CFAP61: variants seen among roughly 807,000 people sequenced by gnomAD.
CFAP61 encodes the protein cilia and flagella associated protein 61.
In CFAP61, 107 loss-of-function variants were observed where a neutral mutation model predicts 135.6. The observed-to-expected ratio is 0.79, with a 90% CI of 0.67 to 0.93. The LOEUF (loss-of-function observed/expected upper bound fraction) is 0.93. Ranked by LOEUF, CFAP61 falls within the 40% of genes least tolerant of loss-of-function variation. The pLI is 0.00. For synonymous variants in CFAP61, 575 were observed against 578.5 expected (o/e 0.99, Z 0.09); for missense variants, 1,507 against 1,556.2 (o/e 0.97, Z 0.53).
rs2048887701 is a variant in CFAP61 at position 20,228,297 on chromosome 20, A to T, written c.1981A>T (p.Lys661Ter). The T allele has an allele frequency of 4.3e-6, 7 of 1,611,172 alleles. No individual in the cohort carries two copies. Among genetic ancestry groups the T allele is most frequent in the South Asian group, 1.1e-5 (1 of 90,872 alleles). The change falls in exon 18 of 27, where the codon AAA (lysine) becomes TAA (stop). Residue 661 changes from lysine to a stop codon, truncating the protein, a stop_gained. Transcript: ENST00000245957. LOFTEE classifies it high-confidence loss of function. ...HTNRKLTLEP[K>*]ITVNAKIIVV... ...AAACAGAAAACTAACATTGGAACCT[A>T]AAATTACTGTCAATGCCAAGATCAT...
intron 2 of CFAP61, among the ~76,000 whole-genome samples, chr20:20,066,000 A>G (rs1215740594): frequency 6.6e-6 from 1 of 150,428 alleles, no homozygotes; most frequent in African/African-American, 2.4e-5. Flanking sequence ...AAGAAAAAAA[A>G]CAACCCCATC....
At chr20:20,202,143 A>G (rs893675617) in intron 17 of CFAP61, among the ~76,000 whole-genome samples, 2 of 151,990 alleles carry the variant, frequency 1.3e-5, no homozygotes, top group East Asian at 1.9e-4. Flanking sequence ...AACCTTTTCC[A>G]TGTTTATCTC....
At chr20:20,238,450 C>T (rs2049760382) in intron 18 of CFAP61, among the ~76,000 whole-genome samples, 2 of 152,128 alleles carry the variant, frequency 1.3e-5, no homozygotes, top group Non-Finnish European at 2.9e-5. Flanking sequence ...ACATTTAGAT[C>T]GATGTGGGAT....
intron 8 of CFAP61, among the ~76,000 whole-genome samples, chr20:20,134,391 G>T (rs1162489879): frequency 6.6e-6 from 1 of 152,196 alleles, no homozygotes; most frequent in Non-Finnish European, 1.5e-5. Flanking sequence ...GGAGTGGCAG[G>T]AGACAAAGCA....
intron 25 of CFAP61, among the ~76,000 whole-genome samples, chr20:20,338,920 T>C (rs2058337233): frequency 6.6e-6 from 1 of 152,218 alleles, no homozygotes; most frequent in Non-Finnish European, 1.5e-5. Flanking sequence ...TCCCAGGGCT[T>C]CTTGGAAAAG....
chr20:20,167,729 G>C (rs569120117), intron 12 of CFAP61, among the ~76,000 whole-genome samples: 1 of 152,274 alleles, frequency 6.6e-6, no homozygotes, highest in African/African-American at 2.4e-5. Context: ...CCCAAAAGGA[G>C]TCCTACTAAT....
rs2055773463 is a variant in CFAP61, at chr20:20,189,642, A to C, written c.1512+1586A>C. Among the ~76,000 whole-genome samples, 5 of 152,198 alleles carry C rather than the reference A, an allele frequency of 3.3e-5. No individual in the cohort carries two copies. The South Asian group carries it at 1.0e-3, about 32-fold the overall frequency. ...CACAGTGGAATATCCCTGCACACCT[A>C]TCAGAATGACTAAAACAAAATAGCG... On this transcript the variant is annotated intron_variant, in intron 14 of 26. Coordinates refer to ENST00000245957, the MANE Select transcript of CFAP61 (RefSeq NM_015585.4).
At chr20:20,329,715 G>C (rs1023547881) in intron 25 of CFAP61, among the ~76,000 whole-genome samples, 1 of 152,326 alleles carries the variant, frequency 6.6e-6, no homozygotes, top group East Asian at 1.9e-4. Context: ...CATCCGACTG[G>C]ACGTTAGAGC....
chr20:20,347,036 A>G (rs755608633), intron 26 of CFAP61, among the ~76,000 whole-genome samples: 2 of 152,258 alleles, frequency 1.3e-5, no homozygotes, highest in African/African-American at 2.4e-5. Flanking sequence ...ATTTTAACAG[A>G]TTAAAATTAT....
intron 25 of CFAP61, among the ~76,000 whole-genome samples, chr20:20,301,981 C>T (rs773419657): frequency 4.6e-5 from 7 of 152,082 alleles, no homozygotes; most frequent in Non-Finnish European, 1.0e-4. Context: ...ATCAATTAGG[C>T]AAGAATTGAC....
At chr20:20,310,807 A>G (rs2424350) in intron 25 of CFAP61, among the ~76,000 whole-genome samples, 22,326 of 152,202 alleles carry the variant, frequency 0.15, 1,909 homozygotes, top group Non-Finnish European at 0.2. Context: ...CCCTTCTGCT[A>G]CAGCTGACAC....
At position 20,348,685 on chromosome 20, in the gene CFAP61, G is replaced by A. The variant is rs574046185; in HGVS notation, c.3513+6764G>A. The stretch of plus-strand genomic sequence containing the variant: ...AGCCTGGGCAATAGAGCAAGACTCC[G>A]TATCAAAAAAAAAAAAAAAAAAAAA... On this transcript the variant is annotated intron_variant, in intron 26 of 26. Coordinates refer to ENST00000245957, the MANE Select transcript of CFAP61 (RefSeq NM_015585.4). 3.8e-4 allele frequency among the ~76,000 whole-genome samples: 17 copies of A among 44,752 alleles called. No individual in the cohort carries two copies. The South Asian group carries it at 0.015, about 39-fold the overall frequency. 29.4% of individuals were successfully genotyped at this position (44,752 alleles called of 152,430 possible).
chr20:20,297,572 G>A (rs959651727), intron 24 of CFAP61, among the ~76,000 whole-genome samples: 3 of 152,156 alleles, frequency 2.0e-5, no homozygotes, highest in Non-Finnish European at 4.4e-5. Context: ...GGTTTCTACA[G>A]GGCAGAAAGT....
intron 17 of CFAP61, among the ~76,000 whole-genome samples, chr20:20,213,192 C>T (rs1308292082): frequency 1.3e-5 from 2 of 152,228 alleles, no homozygotes; most frequent in Non-Finnish European, 2.9e-5. Context: ...TCCACACACA[C>T]TCAGCCCGTG....
At chr20:20,339,829 C>G (rs1183372016) in intron 25 of CFAP61, among the ~76,000 whole-genome samples, 1 of 152,192 alleles carries the variant, frequency 6.6e-6, no homozygotes, top group African/African-American at 2.4e-5. Context: ...ATTCTTGTAT[C>G]AAAAGGAAAC....
At chr20:20,353,550 G>A (rs1316858061) in intron 26 of CFAP61, among the ~76,000 whole-genome samples, 1 of 152,178 alleles carries the variant, frequency 6.6e-6, no homozygotes, top group Non-Finnish European at 1.5e-5. Context: ...TATTAGAAGT[G>A]TTTTTCATCT....
chr20:20,183,342 A>G (rs2055258937), intron 13 of CFAP61, among the ~76,000 whole-genome samples: 1 of 151,888 alleles, frequency 6.6e-6, no homozygotes, highest in South Asian at 2.1e-4. Flanking sequence ...TTGTATTTTT[A>G]GTAGAGATGG....
chr20:20,222,736 CT>C (rs1157754645), intron 17 of CFAP61, among the ~76,000 whole-genome samples: 1 of 152,114 alleles, frequency 6.6e-6, no homozygotes, highest in African/African-American at 2.4e-5. Flanking sequence ...CTGATTGGTT[CT>C]ATTTAAAATG....
intron 26 of CFAP61, among the ~76,000 whole-genome samples, chr20:20,353,829 T>C (rs1012288921): frequency 2.6e-5 from 4 of 152,184 alleles, no homozygotes; most frequent in African/African-American, 9.7e-5. Flanking sequence ...AGATAAAAGG[T>C]TGGCAAGGAT....
Sources: gnomAD v4.1 joint callset for allele counts (sites outside exome capture counted in the v4.1 genomes callset) on GRCh38, gnomAD v4.1.1 for gene constraint, MANE v1.5 for transcripts, NCBI Gene and HGNC (gene_info 2026-07-23, HGNC 2026-07-21) for gene names.